NCKAP5: variants seen among roughly 807,000 people sequenced by gnomAD.
NCKAP5 encodes the protein NCK associated protein 5.
In NCKAP5, 92 loss-of-function variants were observed where a neutral mutation model predicts 167.0. The ratio of observed to expected loss-of-function variants is 0.55; its 90% confidence interval spans 0.47 to 0.66. NCKAP5 has a LOEUF of 0.66. NCKAP5 is among the 30% of genes least tolerant of loss of function. NCKAP5 has a pLI of 0.00. For missense variants in NCKAP5, 2,378 were observed against 2,315.0 expected, an observed-to-expected ratio of 1.03 and a Z score of -0.56; for synonymous variants, 891 against 877.4, an observed-to-expected ratio of 1.02 and a Z score of -0.27.
intron 3 of NCKAP5, among the ~76,000 whole-genome samples, chr2:133,360,873 A>C (rs1685054923): frequency 6.6e-6 from 1 of 151,848 alleles, no homozygotes; most frequent in Non-Finnish European, 1.5e-5. Flanking sequence ...GGCTAATCAA[A>C]TTAGAGTGGA....
chr2:133,143,815 T>C (rs1431647594), intron 5 of NCKAP5, among the ~76,000 whole-genome samples: 1 of 149,462 alleles, frequency 6.7e-6, no homozygotes, highest in Non-Finnish European at 1.5e-5. Flanking sequence ...CCAACCAGAT[T>C]TTTTTTTTTT....
chr2:133,625,376 T>C, the NCKAP5 span, among the ~76,000 whole-genome samples: 2 of 152,134 alleles, frequency 1.3e-5, no homozygotes, highest in Middle Eastern at 3.2e-3. Flanking sequence ...TAACCTCTTG[T>C]AGAACTCAAA....
chr2:132,932,403 A>C (rs1365994141), intron 8 of NCKAP5, among the ~76,000 whole-genome samples: 4 of 152,174 alleles, frequency 2.6e-5, no homozygotes, highest in Non-Finnish European at 5.9e-5. Context: ...GCCAAGAGTA[A>C]GCATCAAGTT....
At chr2:132,811,031 G>A (rs1685822485) in intron 11 of NCKAP5, among the ~76,000 whole-genome samples, 1 of 152,088 alleles carries the variant, frequency 6.6e-6, no homozygotes, top group South Asian at 2.1e-4. Context: ...AGTGATTGTT[G>A]TCTCTTTTCC....
At chr2:133,426,725 T>C (rs1240359417) in intron 3 of NCKAP5, among the ~76,000 whole-genome samples, 1 of 152,178 alleles carries the variant, frequency 6.6e-6, no homozygotes, top group African/African-American at 2.4e-5. Flanking sequence ...AGTATGATCT[T>C]TAGTTAATAA....
At chr2:133,400,472 T>C (rs1688027807) in intron 3 of NCKAP5, among the ~76,000 whole-genome samples, 1 of 151,976 alleles carries the variant, frequency 6.6e-6, no homozygotes, top group Admixed American at 6.6e-5. Flanking sequence ...AGAGAACAGA[T>C]CTGGAGAGAA....
the NCKAP5 span, among the ~76,000 whole-genome samples, chr2:133,619,989 C>T: frequency 6.6e-6 from 1 of 152,100 alleles, no homozygotes. Context: ...AAAATTTATG[C>T]TTAGTGAAAC....
At chr2:133,267,755 T>C (rs1345835651) in intron 4 of NCKAP5, among the ~76,000 whole-genome samples, 6 of 152,216 alleles carry the variant, frequency 3.9e-5, no homozygotes, top group Non-Finnish European at 8.8e-5. Flanking sequence ...CAGAAATTGC[T>C]CCACCTGTAG....
intron 19 of NCKAP5, among the ~76,000 whole-genome samples, chr2:132,704,807 C>T (rs991651917): frequency 2.6e-5 from 4 of 152,178 alleles, no homozygotes; most frequent in Non-Finnish European, 5.9e-5. Context: ...TAACACTCTA[C>T]CTGCTTTACA....
At chr2:133,333,793 G>A (rs900034604) in intron 3 of NCKAP5, 1 of 152,144 alleles carries the variant, frequency 6.6e-6, no homozygotes, top group African/African-American at 2.4e-5. Context: ...GACTGCACTG[G>A]GTGTTGTGTG....
intron 6 of NCKAP5, among the ~76,000 whole-genome samples, chr2:133,084,533 G>A (rs1249780887): frequency 1.3e-5 from 2 of 152,110 alleles, no homozygotes; most frequent in African/African-American, 2.4e-5. Flanking sequence ...ATGAATAAAT[G>A]GGATACAGTG....
chr2:132,785,171 T>C lies in NCKAP5; in HGVS notation c.1640A>G (p.Glu547Gly). The change falls in exon 14 of 20, where the codon GAG (glutamate) becomes GGG (glycine). Residue 547 changes from glutamate (E) to glycine (G), a missense_variant. Transcript: ENST00000409261. Reference protein sequence around the residue: ...LTSCASSCPLEMKLCPSVQTP... With the variant: ...LTSCASSCPLGMKLCPSVQTP... ...CTGCACACTTGGGCACAGCTTCATC[T>C]CTAAGGGACAGCTGCTGGCGCAACT... 6.3e-7 allele frequency: 1 copy of C among 1,593,856 alleles called. No individual in the cohort carries two copies. Among genetic ancestry groups the C allele is most frequent in the Non-Finnish European group, 8.5e-7 (1 of 1,171,654 alleles).
At chr2:133,345,061 C>T (rs1441371227) in intron 3 of NCKAP5, among the ~76,000 whole-genome samples, 6 of 152,222 alleles carry the variant, frequency 3.9e-5, no homozygotes, top group African/African-American at 1.2e-4. Flanking sequence ...TAAGGGGCCC[C>T]TGGGGAGGAG....
intron 7 of NCKAP5, among the ~76,000 whole-genome samples, chr2:132,984,204 G>T (rs1489259755): frequency 2.0e-5 from 3 of 152,138 alleles, no homozygotes; most frequent in East Asian, 1.9e-4. Context: ...AATGGTATTT[G>T]CATCACCTGG....
At chr2:132,897,569 T>A (rs1346815707) in intron 8 of NCKAP5, among the ~76,000 whole-genome samples, 1 of 152,198 alleles carries the variant, frequency 6.6e-6, no homozygotes, top group Non-Finnish European at 1.5e-5. Flanking sequence ...AACTGTAGAA[T>A]GTCTGGCAGC....
At chr2:133,661,814 A>G in the NCKAP5 span, among the ~76,000 whole-genome samples, 8 of 152,218 alleles carry the variant, frequency 5.3e-5, no homozygotes, top group East Asian at 1.5e-3. Flanking sequence ...CTTTGTGTTC[A>G]CTGGTGCCTT....
intron 3 of NCKAP5, among the ~76,000 whole-genome samples, chr2:133,492,616 C>T (rs78120132): frequency 0.063 from 9,603 of 152,230 alleles, 344 homozygotes; most frequent in South Asian, 0.16. Flanking sequence ...TTATTCCAAG[C>T]CTCAGTTTCC....
At chr2:133,345,775 T>A (rs545786336) in intron 3 of NCKAP5, among the ~76,000 whole-genome samples, 2 of 151,562 alleles carry the variant, frequency 1.3e-5, no homozygotes, top group South Asian at 4.2e-4. Context: ...AATATGGGAG[T>A]GGAGATGGAG....
intron 19 of NCKAP5, among the ~76,000 whole-genome samples, chr2:132,697,249 A>G (rs909365882): frequency 6.6e-6 from 1 of 152,204 alleles, no homozygotes; most frequent in African/African-American, 2.4e-5. Flanking sequence ...GCTGGTCCTC[A>G]GGGCTTCCTG....
Sources: allele counts gnomAD v4.1 joint callset (sites outside exome capture counted in the v4.1 genomes callset), GRCh38; gene constraint gnomAD v4.1.1; transcripts MANE v1.5; gene names NCBI Gene and HGNC (gene_info 2026-07-23, HGNC 2026-07-21).